CISH: variants seen among roughly 807,000 people sequenced by gnomAD.
The protein encoded by CISH is cytokine inducible SH2 containing protein, also known as cytokine-inducible SH2-containing protein.
A neutral mutation model predicts 21.3 loss-of-function variants in CISH; 11 were observed. The ratio of observed to expected loss-of-function variants is 0.52; its 90% CI spans 0.32 to 0.85. CISH has a LOEUF of 0.85. Ranked by LOEUF, CISH falls within the 40% of genes least tolerant of loss-of-function variation. CISH has a pLI of 0.03. For missense variants in CISH, 280 were observed against 351.7 expected, an observed-to-expected ratio of 0.80 and a Z score of 1.63; for synonymous variants, 118 against 142.3, an observed-to-expected ratio of 0.83 and a Z score of 1.22.
chr3:50,610,689 T>G, intron 1 of CISH: 1 of 1,367,094 alleles, frequency 7.3e-7, no homozygotes. Context: ...TCCCAGCACC[T>G]CCATGTCCTC....
At chr3:50,610,199 G>A in intron 1 of CISH, 1 of 709,572 alleles carries the variant, frequency 1.4e-6, no homozygotes, top group Non-Finnish European at 2.4e-6. Context: ...TACCTTCCCA[G>A]GAGCATGGTT....
upstream of CISH, chr3:50,611,774 TGA>T (rs909048758): frequency 4.6e-6 from 6 of 1,296,130 alleles, no homozygotes; most frequent in African/African-American, 7.8e-5. Context: ...GGACAGGGAC[TGA>T]GAGGCAGTGG....
intron 1 of CISH, chr3:50,610,834 T>TGGAGCTGGCCATG: frequency 1.2e-5 from 13 of 1,085,780 alleles, no homozygotes; most frequent in Non-Finnish European, 1.5e-5. Flanking sequence ...CCTGAGCTCC[T>TGGAGCTGGCCATG]GTCACATCAC....
chr3:50,611,237 T>A (rs1242411566), intron 1 of CISH: 3 of 1,089,376 alleles, frequency 2.8e-6, no homozygotes, highest in Non-Finnish European at 3.4e-6. Flanking sequence ...CAGGGGCTGG[T>A]CCAAGGTTAC....
chr3:50,611,623 G>A lies in CISH; in HGVS notation c.20+8C>T, dbSNP rs901889096. ...GTGGCCGGGAAGGGGGCAGAGAGCC[G>A]CGCTTACCCCTGAACGCAGAGGACC... is the stretch of plus-strand genomic sequence containing the variant. On this transcript the variant is annotated splice_region_variant and intron_variant, in intron 1 of 2. Transcript: ENST00000348721. 1.3e-6 allele frequency: 2 copies of A among 1,521,120 alleles called. No individual in the cohort carries two copies. The highest frequency in any genetic ancestry group is 2.9e-5 in the African/African-American group (2 of 69,672). 94.2% of individuals were successfully genotyped at this position (1,521,120 alleles called of 1,614,324 possible). A position where few individuals can be genotyped will look rare whatever the true frequency, so the allele number is the denominator to read the frequency against.
chr3:50,607,856 G>C lies in CISH; in HGVS notation c.528C>G (p.Pro176=), dbSNP rs370445257. 1 of 1,613,840 alleles carries C rather than the reference G, an allele frequency of 6.2e-7. No individual in the cohort carries two copies. The highest frequency in any genetic ancestry group is 2.2e-5 in the East Asian group (1 of 44,888). Residue 176 remains proline (P), a synonymous_variant, in exon 3 of 3, where the codon CCC becomes CCG. Coordinates refer to ENST00000348721, the MANE Select transcript of CISH (RefSeq NM_145071.4). ...GCAGGGCCGGGGTGGGAGCAGGATC[G>C]GGGCTGTCGCTTCGGGTATCAGCAG... is the stretch of plus-strand genomic sequence containing the variant. The part of the protein sequence containing the change: ...SCTADTRSDS[P]DPAPTPALPM...
chr3:50,610,268 G>T, intron 1 of CISH: 3 of 1,312,772 alleles, frequency 2.3e-6, no homozygotes, highest in South Asian at 1.3e-5. Context: ...TAGCTTAGCC[G>T]GTCCTCAGAT....
chr3:50,609,319 C>T (rs1255788260), intron 1 of CISH: 1 of 152,306 alleles, frequency 6.6e-6, no homozygotes, highest in Non-Finnish European at 1.5e-5. Context: ...GAGCTCCCAC[C>T]AAGGGCAGGG....
At chr3:50,610,527 C>T in intron 1 of CISH, 1 of 1,543,206 alleles carries the variant, frequency 6.5e-7, no homozygotes, top group Non-Finnish European at 8.8e-7. Flanking sequence ...AGGGGGTGCT[C>T]ACCTAGGGTA....
intron 1 of CISH, chr3:50,611,414 C>G: frequency 7.4e-7 from 1 of 1,360,534 alleles, no homozygotes. Context: ...CCGGCCAGCC[C>G]CCGGTTTCCC....
chr3:50,610,996 G>C, intron 1 of CISH: 2 of 991,838 alleles, frequency 2.0e-6, no homozygotes, highest in Non-Finnish European at 2.4e-6. Context: ...TTGAAGATGA[G>C]AGGCAGGAGC....
chr3:50,611,625 G>C lies in CISH; in HGVS notation c.20+6C>G. The C allele has an allele frequency of 6.6e-7, 1 of 1,520,040 alleles. No individual in the cohort carries two copies. The highest frequency in any genetic ancestry group is 8.8e-7 in the Non-Finnish European group (1 of 1,133,818). 94.2% of individuals were successfully genotyped at this position (1,520,040 alleles called of 1,614,324 possible). A position where few individuals can be genotyped will look rare whatever the true frequency, so the allele number is the denominator to read the frequency against. ...GGCCGGGAAGGGGGCAGAGAGCCGCGCTTACCCCTGAACGCAGAGGACCAT... is the reference window on the plus strand; with the variant it reads ...GGCCGGGAAGGGGGCAGAGAGCCGCCCTTACCCCTGAACGCAGAGGACCAT... On this transcript the variant is annotated splice_donor_region_variant and intron_variant, in intron 1 of 2. Transcript: ENST00000348721.
intron 1 of CISH, 22 bp downstream of exon 1, chr3:50,611,608 AG>A: frequency 6.6e-7 from 1 of 1,522,370 alleles, no homozygotes; most frequent in Admixed American, 2.1e-5. Context: ...GTGGCCGGGA[AG>A]GGGGCAGAGA....
intron 1 of CISH, 121 bp from the exon 2 acceptor site, chr3:50,608,714 C>T (rs2032238078): frequency 1.6e-6 from 1 of 627,754 alleles, no homozygotes; most frequent in African/African-American, 1.9e-5. Context: ...TGAGCCTCAG[C>T]TTCCCCTCTA....
chr3:50,611,081 C>A, intron 1 of CISH: 8 of 990,898 alleles, frequency 8.1e-6, no homozygotes, highest in Non-Finnish European at 9.6e-6. Context: ...GTACCCCAAG[C>A]AGGACCAGGC....
intron 2 of CISH, 39 bp downstream of exon 2, chr3:50,608,334 A>T: frequency 6.5e-7 from 1 of 1,547,602 alleles, no homozygotes; most frequent in Non-Finnish European, 8.8e-7. Flanking sequence ...CTCCCACCAG[A>T]CTACTCAGGA....
At chr3:50,609,330 A>T (rs1229826000) in intron 1 of CISH, 2 of 152,180 alleles carry the variant, frequency 1.3e-5, no homozygotes, top group African/African-American at 4.8e-5. Context: ...AAGGGCAGGG[A>T]CCTAATCCAC....
At chr3:50,611,172 G>A (rs989152857) in intron 1 of CISH, 8 of 1,005,672 alleles carry the variant, frequency 8.0e-6, no homozygotes, top group Non-Finnish European at 9.5e-6. Flanking sequence ...GGCTTCCCAA[G>A]AAGAGCCTAC....
At chr3:50,608,209 G>A in intron 2 of CISH, 67 bp from the exon 3 acceptor site, 2 of 1,542,808 alleles carry the variant, frequency 1.3e-6, no homozygotes, top group Non-Finnish European at 1.8e-6. Flanking sequence ...TCCAGTGCAA[G>A]TCAAGGCAGT....
Sources: gnomAD v4.1 joint callset for allele counts on GRCh38, gnomAD v4.1.1 for gene constraint, MANE v1.5 for transcripts, NCBI Gene and HGNC (gene_info 2026-07-23, HGNC 2026-07-21) for gene names.